AFF3: variants seen among roughly 807,000 people sequenced by gnomAD.
AFF3 encodes AF4/FMR2 family member 3.
AFF3 carries 32 observed loss-of-function variants against 129.7 expected under a neutral mutation model. The observed-to-expected ratio is 0.25, with a 90% confidence interval of 0.19 to 0.33. The LOEUF is 0.33. Ranked by LOEUF, AFF3 falls within the 10% of genes least tolerant of loss-of-function variation. AFF3 has a pLI of 1.00. For missense variants in AFF3, 1,373 were observed against 1,592.0 expected (o/e 0.86, Z 2.34); for synonymous variants, 644 against 635.4 (o/e 1.01, Z -0.20).
intron 13 of AFF3, among the ~76,000 whole-genome samples, chr2:99,629,332 A>T (rs1304616756): frequency 2.0e-5 from 3 of 152,222 alleles, no homozygotes; most frequent in African/African-American, 7.2e-5. Context: ...CAAACTCGAC[A>T]TACAAAAATC....
At chr2:99,619,108 G>A (rs1390827394) in intron 13 of AFF3, among the ~76,000 whole-genome samples, 1 of 152,206 alleles carries the variant, frequency 6.6e-6, no homozygotes, top group East Asian at 1.9e-4. Context: ...CAAGGACCCA[G>A]AGAGATGGCA....
Position 99,547,146 on chromosome 2 carries a change from T to C in AFF3, c.*4328A>G, listed in dbSNP as rs1674100311. ...AAGATTGCTTTTCGAGATTATAAAC[T>C]GGGAGCCAGAACAACTGACTTGAAC... is the stretch of plus-strand genomic sequence containing the variant. On this transcript the variant is annotated 3_prime_UTR_variant, in exon 25 of 25. Coordinates refer to ENST00000672756, the MANE Select transcript of AFF3 (RefSeq NM_001386135.1). 4.6e-6 allele frequency: 1 copy of C among 218,868 alleles called. No individual in the cohort carries two copies. Among genetic ancestry groups the C allele is most frequent in the African/African-American group, 2.2e-5 (1 of 44,678 alleles). 13.6% of individuals were successfully genotyped at this position (218,868 alleles called of 1,614,324 possible). A position where few individuals can be genotyped will look rare whatever the true frequency, so the allele number is the denominator to read the frequency against.
intron 1 of AFF3, among the ~76,000 whole-genome samples, chr2:100,137,472 C>A (rs1022928569): frequency 2.6e-5 from 4 of 152,208 alleles, no homozygotes; most frequent in African/African-American, 9.6e-5. Context: ...CCCTAACTTA[C>A]CCCTCAGTAC....
At chr2:99,739,859 T>C (rs1477493479) in intron 10 of AFF3, among the ~76,000 whole-genome samples, 1 of 151,986 alleles carries the variant, frequency 6.6e-6, no homozygotes, top group Non-Finnish European at 1.5e-5. Context: ...ATGTGCACAA[T>C]GTGCAGGTTA....
intron 4 of AFF3, among the ~76,000 whole-genome samples, chr2:100,063,494 A>T (rs1359303804): frequency 6.6e-6 from 1 of 152,178 alleles, no homozygotes. Context: ...TGAAATAAAA[A>T]AATTTGCTAG....
chr2:99,885,230 C>T (rs1693020302), intron 7 of AFF3, among the ~76,000 whole-genome samples: 3 of 152,214 alleles, frequency 2.0e-5, no homozygotes, highest in Admixed American at 2.0e-4. Context: ...CCTGCAATGC[C>T]TTTCAAAATG....
intron 10 of AFF3, among the ~76,000 whole-genome samples, chr2:99,742,432 G>A (rs1373688582): frequency 1.3e-5 from 2 of 152,106 alleles, no homozygotes; most frequent in Non-Finnish European, 2.9e-5. Flanking sequence ...AATGCCAGAG[G>A]GTTTTATACC....
At chr2:99,850,953 T>C (rs921355295) in intron 7 of AFF3, among the ~76,000 whole-genome samples, 18 of 152,226 alleles carry the variant, frequency 1.2e-4, no homozygotes, top group Non-Finnish European at 2.1e-4. Flanking sequence ...CAACCCTGTT[T>C]ATGTTATTTA....
chr2:99,846,053 C>T (rs933663008), intron 7 of AFF3, among the ~76,000 whole-genome samples: 2 of 152,004 alleles, frequency 1.3e-5, no homozygotes, highest in African/African-American at 2.4e-5. Flanking sequence ...AGGATGGTCT[C>T]GATCTCCTGA....
intron 12 of AFF3, among the ~76,000 whole-genome samples, chr2:99,651,949 G>A (rs1042701534): frequency 2.6e-5 from 4 of 152,130 alleles, no homozygotes; most frequent in Non-Finnish European, 5.9e-5. Context: ...TCCCAGAAAA[G>A]CTCCTTCCTA....
At chr2:99,974,752 T>C (rs901755913) in intron 7 of AFF3, among the ~76,000 whole-genome samples, 26 of 152,246 alleles carry the variant, frequency 1.7e-4, no homozygotes, top group African/African-American at 6.3e-4. Context: ...ACATTTGTCA[T>C]CCATGGCAGA....
chr2:100,121,725 T>C (rs1421337875), intron 2 of AFF3, among the ~76,000 whole-genome samples: 2 of 152,052 alleles, frequency 1.3e-5, no homozygotes, highest in Non-Finnish European at 2.9e-5. Flanking sequence ...GTACCATTGA[T>C]AAAAAAAGAT....
intron 13 of AFF3, among the ~76,000 whole-genome samples, chr2:99,647,954 T>C (rs1234330164): frequency 6.6e-6 from 1 of 152,236 alleles, no homozygotes; most frequent in Non-Finnish European, 1.5e-5. Context: ...GGACATTTTC[T>C]CTTTAGGACA....
intron 13 of AFF3, among the ~76,000 whole-genome samples, chr2:99,619,015 C>T (rs143575976): frequency 1.8e-4 from 27 of 152,244 alleles, no homozygotes; most frequent in African/African-American, 6.0e-4. Context: ...CCAAAATGCT[C>T]GGATTACACG....
chr2:100,067,180 TAAA>T (rs35574768), intron 4 of AFF3, among the ~76,000 whole-genome samples: 28 of 134,282 alleles, frequency 2.1e-4, no homozygotes, highest in African/African-American at 5.7e-4. Flanking sequence ...TCCACATAGT[TAAA>T]AAAAAAAAAA....
At chr2:99,670,358 G>C (rs572643890) in intron 12 of AFF3, among the ~76,000 whole-genome samples, 1 of 149,444 alleles carries the variant, frequency 6.7e-6, no homozygotes, top group Non-Finnish European at 1.5e-5. Flanking sequence ...TATTCACAAA[G>C]ACAGCCAGAT....
intron 12 of AFF3, among the ~76,000 whole-genome samples, chr2:99,656,931 T>C (rs1685799430): frequency 6.6e-6 from 1 of 152,116 alleles, no homozygotes; most frequent in Admixed American, 6.6e-5. Context: ...GATAATATAA[T>C]TTATCATCCA....
chr2:99,790,888 G>A (rs143961215), intron 8 of AFF3, among the ~76,000 whole-genome samples: 184 of 152,200 alleles, frequency 1.2e-3, no homozygotes, highest in African/African-American at 4.2e-3. Flanking sequence ...AACCCAAACC[G>A]AAAACTCGAA....
chr2:99,631,710 T>A (rs1683134131), intron 13 of AFF3, among the ~76,000 whole-genome samples: 2 of 152,216 alleles, frequency 1.3e-5, no homozygotes, highest in Non-Finnish European at 2.9e-5. Context: ...CTGAATGATA[T>A]TCCAGTGTAC....
Sources: allele counts gnomAD v4.1 joint callset (sites outside exome capture counted in the v4.1 genomes callset), GRCh38; gene constraint gnomAD v4.1.1; transcripts MANE v1.5; gene names NCBI Gene and HGNC (gene_info 2026-07-23, HGNC 2026-07-21).